Variants in OPN5 observed in about 807,000 individuals in gnomAD.
OPN5 encodes opsin-5.
OPN5 carries 18 observed loss-of-function variants against 41.7 expected under a neutral mutation model. That is an observed-to-expected ratio of 0.43 (90% confidence interval 0.30 to 0.64). The LOEUF (loss-of-function observed/expected upper bound fraction) is 0.64, where lower values mean the gene tolerates loss of function less well. Ranked by LOEUF, OPN5 falls within the 30% of genes least tolerant of loss-of-function variation. The probability of loss-of-function intolerance (pLI) is 0.13; values close to 1 mark genes in which losing one functional copy is unlikely to be tolerated. For synonymous variants in OPN5, 178 were observed against 164.3 expected, an observed-to-expected ratio of 1.08 and a Z score of -0.64; for missense variants, 318 against 434.5, an observed-to-expected ratio of 0.73 and a Z score of 2.38.
intron 6 of OPN5, among the ~76,000 whole-genome samples, chr6:47,818,601 C>T (rs1294931522): frequency 6.6e-6 from 1 of 152,172 alleles, no homozygotes; most frequent in Non-Finnish European, 1.5e-5. Flanking sequence ...AGATGAGGCT[C>T]TTAGCTCAGG....
chr6:47,818,744 G>C (rs1416807491), intron 6 of OPN5, among the ~76,000 whole-genome samples: 1 of 152,134 alleles, frequency 6.6e-6, no homozygotes, highest in African/African-American at 2.4e-5. Context: ...ACCTCGGCAG[G>C]CATGGAAAAT....
intron 4 of OPN5, among the ~76,000 whole-genome samples, chr6:47,802,520 G>T (rs972703489): frequency 1.3e-5 from 2 of 152,122 alleles, no homozygotes; most frequent in African/African-American, 4.8e-5. Context: ...AGAATGAAAT[G>T]ATATCTCAGT....
At chr6:47,798,664 A>G (rs1773657726) in intron 4 of OPN5, among the ~76,000 whole-genome samples, 1 of 151,846 alleles carries the variant, frequency 6.6e-6, no homozygotes, top group Non-Finnish European at 1.5e-5. Flanking sequence ...GTTTCTAATT[A>G]TTAATATTTG....
intron 4 of OPN5, among the ~76,000 whole-genome samples, chr6:47,802,962 TTC>T (rs1256359877): frequency 1.3e-5 from 2 of 152,198 alleles, no homozygotes; most frequent in African/African-American, 4.8e-5. Flanking sequence ...ACTTGTTTTT[TTC>T]TTTTTTTGAA....
chr6:47,782,338 C>T (rs1217600038), intron 1 of OPN5, 142 bp downstream of exon 1: 3 of 639,074 alleles, frequency 4.7e-6, no homozygotes, highest in Admixed American at 2.9e-5. Flanking sequence ...GATGGAATGG[C>T]ATTATGGCAT....
chr6:47,821,335 C>T (rs954809633), intron 6 of OPN5, among the ~76,000 whole-genome samples: 3 of 152,224 alleles, frequency 2.0e-5, no homozygotes, highest in African/African-American at 2.4e-5. Context: ...CTCTCCTAAG[C>T]CACATGGGTG....
chr6:47,807,179 G>T (rs1774003453), intron 4 of OPN5, among the ~76,000 whole-genome samples: 1 of 152,084 alleles, frequency 6.6e-6, no homozygotes, highest in African/African-American at 2.4e-5. Flanking sequence ...GCCCCAATTT[G>T]CCCCATAGGA....
chr6:47,793,152 A>G (rs1280860918), intron 3 of OPN5, among the ~76,000 whole-genome samples: 1 of 152,184 alleles, frequency 6.6e-6, no homozygotes, highest in Non-Finnish European at 1.5e-5. Context: ...TTCATACCAA[A>G]GAGATTTTAA....
intron 4 of OPN5, among the ~76,000 whole-genome samples, chr6:47,802,051 A>T (rs1020420343): frequency 2.6e-5 from 4 of 152,182 alleles, no homozygotes; most frequent in African/African-American, 9.7e-5. Context: ...TATCTGAGGA[A>T]TTTCCAACGT....
chr6:47,807,653 C>T (rs1774025889), intron 4 of OPN5, among the ~76,000 whole-genome samples: 1 of 151,924 alleles, frequency 6.6e-6, no homozygotes, highest in Non-Finnish European at 1.5e-5. Flanking sequence ...GAGTCTCACA[C>T]CTGACAAAAA....
At chr6:47,796,104 T>G (rs948618826) in intron 4 of OPN5, among the ~76,000 whole-genome samples, 2 of 152,124 alleles carry the variant, frequency 1.3e-5, no homozygotes, top group African/African-American at 4.8e-5. Context: ...TAAACGGTAG[T>G]TTCAGAGGTG....
chr6:47,816,620 G>C (rs1018940902), intron 6 of OPN5, among the ~76,000 whole-genome samples: 1 of 152,060 alleles, frequency 6.6e-6, no homozygotes, highest in Non-Finnish European at 1.5e-5. Context: ...TAGAGCATTG[G>C]AGACACAGCA....
chr6:47,822,582 C>T (rs1483626466), intron 6 of OPN5, among the ~76,000 whole-genome samples: 1 of 152,048 alleles, frequency 6.6e-6, no homozygotes, highest in Admixed American at 6.6e-5. Flanking sequence ...AAAGGCACAT[C>T]CAGAGTAGTT....
intron 4 of OPN5, among the ~76,000 whole-genome samples, chr6:47,796,139 A>G (rs1376243842): frequency 1.3e-5 from 2 of 152,184 alleles, no homozygotes; most frequent in Non-Finnish European, 2.9e-5. Flanking sequence ...ATTGTGGAGT[A>G]AGGAAAAGAA....
chr6:47,797,984 A>C (rs558702129), intron 4 of OPN5, among the ~76,000 whole-genome samples: 24 of 152,154 alleles, frequency 1.6e-4, no homozygotes, highest in African/African-American at 3.9e-4. Context: ...TATACCATTT[A>C]ATTTGATTTG....
chr6:47,818,426 A>T (rs1332074889), intron 6 of OPN5, among the ~76,000 whole-genome samples: 1 of 152,232 alleles, frequency 6.6e-6, no homozygotes, highest in African/African-American at 2.4e-5. Context: ...ACATTTCCAG[A>T]AAGTGGAGAA....
chr6:47,820,248 C>T (rs1762578751), intron 6 of OPN5, among the ~76,000 whole-genome samples: 1 of 151,902 alleles, frequency 6.6e-6, no homozygotes, highest in Admixed American at 6.6e-5. Flanking sequence ...TACTTTTTTA[C>T]TTGTTTTAAC....
At chr6:47,822,484 T>C (rs1762657673) in intron 6 of OPN5, among the ~76,000 whole-genome samples, 1 of 152,242 alleles carries the variant, frequency 6.6e-6, no homozygotes, top group Non-Finnish European at 1.5e-5. Flanking sequence ...ATTCAGATTC[T>C]TGCTCAATAA....
At chr6:47,794,525 A>C (rs536154169) in intron 3 of OPN5, among the ~76,000 whole-genome samples, 6 of 152,328 alleles carry the variant, frequency 3.9e-5, no homozygotes, top group Admixed American at 6.5e-5. Flanking sequence ...TTTGGTTAAC[A>C]GAAACTAGTG....
Sources: allele counts gnomAD v4.1 joint callset (sites outside exome capture counted in the v4.1 genomes callset), GRCh38; gene constraint gnomAD v4.1.1; transcripts MANE v1.5; gene names NCBI Gene and HGNC (gene_info 2026-07-23, HGNC 2026-07-21).